Variants in XPC observed in about 807,000 individuals in gnomAD.
The protein encoded by XPC is XPC complex subunit, DNA damage recognition and repair factor, also known as DNA repair protein complementing XP-C cells.
Under a neutral mutation model 95.8 loss-of-function variants are expected in XPC, and 76 were observed. The observed-to-expected ratio is 0.79, with a 90% CI of 0.66 to 0.96. XPC has a LOEUF of 0.96. Among genes scored for constraint, XPC ranks in the 40% least tolerant of loss-of-function variants. The probability of loss-of-function intolerance (pLI) is 0.00; values close to 1 mark genes in which losing one functional copy is unlikely to be tolerated. For synonymous variants in XPC, 442 were observed against 442.1 expected, an observed-to-expected ratio of 1.00 and a Z score of 0.00; for missense variants, 1,146 against 1,179.8, an observed-to-expected ratio of 0.97 and a Z score of 0.42.
chr3:14,153,626 G>A lies in XPC; in HGVS notation c.2034-1210C>T, dbSNP rs183812601. 2.8e-4 allele frequency among the ~76,000 whole-genome samples: 43 copies of A among 152,290 alleles called. 1 individual carries two copies. Among genetic ancestry groups the A allele is most frequent in the Non-Finnish European group, 5.4e-4 (37 of 68,030 alleles). ...CAGTCACAAAATGACCATAAATACC[G>A]TATGATTCCACCTACATGAGGTCCG... On this transcript the variant is annotated intron_variant, in intron 10 of 15. Transcript: ENST00000285021.
intron 2 of XPC, among the ~76,000 whole-genome samples, chr3:14,172,413 A>T (rs996914113): frequency 6.6e-6 from 1 of 152,214 alleles, no homozygotes; most frequent in Non-Finnish European, 1.5e-5. Flanking sequence ...GGAAGCCAGC[A>T]AGCACTCCAG....
chr3:14,169,370 T>C (rs1267617313), intron 3 of XPC, among the ~76,000 whole-genome samples: 2 of 152,206 alleles, frequency 1.3e-5, no homozygotes, highest in Non-Finnish European at 2.9e-5. Context: ...TGAAACAAGT[T>C]TAACACCACC....
Position 14,170,425 on chromosome 3 carries a change from A to G in XPC, c.412+13T>C, listed in dbSNP as rs1276453618. The G allele has an allele frequency of 1.9e-6, 3 of 1,609,350 alleles. No homozygotes were observed. Among genetic ancestry groups the G allele is most frequent in the Admixed American group, 1.7e-5 (1 of 60,004 alleles). On this transcript the variant is annotated intron_variant, in intron 3 of 15. Coordinates refer to ENST00000285021, the MANE Select transcript of XPC (RefSeq NM_004628.5). Reference sequence around the variant, plus strand: ...GAACCAAACAGTTCTGAAAACAAAGAAAGATGTTTCACCTTCAACCTCTTC... The same window carrying G: ...GAACCAAACAGTTCTGAAAACAAAGGAAGATGTTTCACCTTCAACCTCTTC...
At chr3:14,154,947 A>G (rs1435199901) in intron 10 of XPC, among the ~76,000 whole-genome samples, 1 of 152,210 alleles carries the variant, frequency 6.6e-6, no homozygotes, top group Admixed American at 6.5e-5. Context: ...TGTCACTGAC[A>G]TGGTGCCTCT....
chr3:14,177,146 T>A (rs1040178411), intron 1 of XPC, among the ~76,000 whole-genome samples: 5 of 152,278 alleles, frequency 3.3e-5, no homozygotes, highest in African/African-American at 9.6e-5. Context: ...CCACGGGCCC[T>A]GCATCCACAG....
chr3:14,145,323 T>C lies in XPC; in HGVS notation c.*618A>G, dbSNP rs2470458. The C allele has an allele frequency of 0.17, 120,513 of 696,988 alleles. 12,019 individuals carry two copies. Among genetic ancestry groups the C allele is most frequent in the Non-Finnish European group, 0.21 (80,147 of 383,620 alleles). 43.2% of individuals were successfully genotyped at this position (696,988 alleles called of 1,614,324 possible). A position where few individuals can be genotyped will look rare whatever the true frequency, so the allele number is the denominator to read the frequency against. On this transcript the variant is annotated 3_prime_UTR_variant, in exon 16 of 16. Transcript: ENST00000285021. ...TTTCCTTTTCTTTCCTGATTTTAGC[T>C]TTTTTTAGGCTTCTGTCACCACAAA...
intron 1 of XPC, among the ~76,000 whole-genome samples, chr3:14,174,566 C>T (rs540378817): frequency 6.6e-6 from 1 of 152,128 alleles, no homozygotes; most frequent in Non-Finnish European, 1.5e-5. Flanking sequence ...AAAGGAAACA[C>T]AAAAACTCTG....
intron 10 of XPC, among the ~76,000 whole-genome samples, chr3:14,153,773 C>T (rs574101118): frequency 2.0e-5 from 3 of 152,358 alleles, no homozygotes; most frequent in East Asian, 3.9e-4. Flanking sequence ...TGTGTCCTCA[C>T]CTACCAACTA....
At chr3:14,165,371 T>C in intron 6 of XPC, 57 bp downstream of exon 6, 2 of 1,513,762 alleles carry the variant, frequency 1.3e-6, no homozygotes, top group Non-Finnish European at 1.8e-6. Context: ...ACCCAGCCTC[T>C]GAGAGAAACA....
intron 4 of XPC, among the ~76,000 whole-genome samples, chr3:14,167,661 TTTTC>T (rs1574972079): frequency 6.6e-6 from 1 of 152,210 alleles, no homozygotes; most frequent in African/African-American, 2.4e-5. Flanking sequence ...TAAAATCTCT[TTTTC>T]AGTCTGTATC....
Position 14,148,004 on chromosome 3 carries a change from G to A in XPC, c.2421-3C>T. 6.3e-7 allele frequency: 1 copy of A among 1,575,658 alleles called. No individual in the cohort carries two copies. The highest frequency in any genetic ancestry group is 8.6e-7 in the Non-Finnish European group (1 of 1,158,134). ...CGCAGACGATGTATCCATCAGTCCTGTGGGGACACAACGCGATGTCAACCC... is the reference window on the plus strand; with the variant it reads ...CGCAGACGATGTATCCATCAGTCCTATGGGGACACAACGCGATGTCAACCC... On this transcript the variant is annotated splice_region_variant and splice_polypyrimidine_tract_variant and intron_variant, in intron 13 of 15. Transcript: ENST00000285021.
intron 14 of XPC, 118 bp from the exon 15 acceptor site, chr3:14,147,497 C>T: frequency 3.1e-6 from 3 of 961,596 alleles, no homozygotes; most frequent in Admixed American, 2.6e-5. Flanking sequence ...AATATAGCCT[C>T]TCCTTCACAC....
intron 14 of XPC, 30 bp from the exon 15 acceptor site, chr3:14,147,409 T>C: frequency 1.9e-6 from 3 of 1,569,720 alleles, no homozygotes; most frequent in Non-Finnish European, 2.6e-6. Context: ...GGGAGAAAAG[T>C]GTTAAGCACT....
chr3:14,172,257 G>T (rs1168261553), intron 2 of XPC, among the ~76,000 whole-genome samples: 1 of 152,204 alleles, frequency 6.6e-6, no homozygotes. Context: ...AGGTCACAGG[G>T]TAGTAAGCCT....
Position 14,158,971 on chromosome 3 carries a change from T to A in XPC, c.991-79A>T. The A allele has an allele frequency of 1.9e-6, 3 of 1,576,394 alleles. No homozygotes were observed. Among genetic ancestry groups the A allele is most frequent in the Non-Finnish European group, 1.7e-6 (2 of 1,156,362 alleles). ...ATATGATAGAAATCCTGTAATCTAATAGGGTTAAGTCACCAGCTAGAGAAC... is the reference window on the plus strand; with the variant it reads ...ATATGATAGAAATCCTGTAATCTAAAAGGGTTAAGTCACCAGCTAGAGAAC... On this transcript the variant is annotated intron_variant, in intron 8 of 15. Transcript: ENST00000285021. The surrounding 1 kb of genome is among the most constrained non-coding windows in gnomAD (Gnocchi z 5.2).
chr3:14,172,938 G>C lies in XPC; in HGVS notation c.228C>G (p.Ala76=), dbSNP rs768254057. The change falls in exon 2 of 16, where the codon GCC becomes GCG. Residue 76 remains alanine (A), a synonymous_variant. Transcript: ENST00000285021. The part of the protein sequence containing the change: ...SADGPAKKKV[A]KVTVKSENLK... ...GGTTTTCAGATTTAACAGTCACCTT[G>C]GCCACTTTCTTTTTTGCTGGACCAT... 1.9e-6 allele frequency: 3 copies of C among 1,613,812 alleles called. No individual in the cohort carries two copies. In the South Asian group the frequency reaches 3.3e-5, roughly 18 times the overall value.
intron 2 of XPC, 89 bp from the exon 3 acceptor site, chr3:14,170,639 TA>T: frequency 1.1e-6 from 1 of 951,814 alleles, no homozygotes; most frequent in Non-Finnish European, 1.6e-6. Flanking sequence ...AAACCCCTCC[TA>T]TTTATTGAGA....
Position 14,145,426 on chromosome 3 carries a change from G to A in XPC, c.*515C>T, listed in dbSNP as rs1302519334. 1.4e-6 allele frequency: 1 copy of A among 697,110 alleles called. No homozygotes were observed. Among genetic ancestry groups the A allele is most frequent in the African/African-American group, 1.8e-5 (1 of 56,996 alleles). The allele number at this position is 697,110 out of a possible 1,614,324, so 43.2% of individuals were successfully genotyped here. A position where few individuals can be genotyped will look rare whatever the true frequency, so the allele number is the denominator to read the frequency against. The stretch of plus-strand genomic sequence containing the variant: ...TCCCCTACTGCAAAGAGGCAGTGAG[G>A]GCAGCATTAGTAAGCCTGACTCAGG... On this transcript the variant is annotated 3_prime_UTR_variant, in exon 16 of 16. Coordinates refer to ENST00000285021, the MANE Select transcript of XPC (RefSeq NM_004628.5).
chr3:14,169,361 G>A (rs1000007221), intron 3 of XPC, among the ~76,000 whole-genome samples: 3 of 152,162 alleles, frequency 2.0e-5, no homozygotes, highest in Non-Finnish European at 4.4e-5. Flanking sequence ...AGGGGATATT[G>A]AAACAAGTTT....
Sources: gnomAD v4.1 joint callset for allele counts (sites outside exome capture counted in the v4.1 genomes callset) on GRCh38, gnomAD v4.1.1 for gene constraint, Gnocchi (gnomAD v3.1) non-coding constraint, MANE v1.5 for transcripts, NCBI Gene and HGNC (gene_info 2026-07-23, HGNC 2026-07-21) for gene names.